NT5M: variants seen among roughly 807,000 people sequenced by gnomAD.
The protein encoded by NT5M is 5'(3')-deoxyribonucleotidase, mitochondrial.
Under a neutral mutation model 22.2 loss-of-function variants are expected in NT5M, and 22 were observed. The observed-to-expected ratio is 0.99, with a 90% CI of 0.71 to 1.41. The LOEUF (loss-of-function observed/expected upper bound fraction) is 1.41. NT5M is among the 40% of genes most tolerant of loss of function. The probability of loss-of-function intolerance (pLI) is 0.00; values close to 1 mark genes in which losing one functional copy is unlikely to be tolerated. For missense variants in NT5M, 322 were observed against 314.8 expected, an observed-to-expected ratio of 1.02 and a Z score of -0.17; for synonymous variants, 167 against 133.0, an observed-to-expected ratio of 1.26 and a Z score of -1.76.
chr17:17,325,543 C>T (rs2049247888), intron 3 of NT5M, among the ~76,000 whole-genome samples: 1 of 152,192 alleles, frequency 6.6e-6, no homozygotes, highest in Non-Finnish European at 1.5e-5. Flanking sequence ...AGCATCTTGG[C>T]ATTTACTGCC....
At position 17,346,884 on chromosome 17, in the gene NT5M, C is replaced by T. The variant is rs376072879; in HGVS notation, c.624C>T (p.Arg208=). Reference sequence around the variant, plus strand: ...AGCACCTGCAGCTGCAGCCCCCCCGCCGCAGGCTGCACTCGTGGGCGGACG... The same window carrying T: ...AGCACCTGCAGCTGCAGCCCCCCCGTCGCAGGCTGCACTCGTGGGCGGACG... ...HNQHLQLQPP[R]RRLHSWADDW... Residue 208 remains arginine, a synonymous_variant, in exon 5 of 5, where the codon CGC becomes CGT. Coordinates refer to ENST00000389022, the MANE Select transcript of NT5M (RefSeq NM_020201.4). 1.2e-6 allele frequency: 2 copies of T among 1,609,996 alleles called. No homozygotes were observed. The highest frequency in any genetic ancestry group is 2.7e-5 in the African/African-American group (2 of 74,938).
intron 2 of NT5M, among the ~76,000 whole-genome samples, chr17:17,319,039 C>T (rs1201655275): frequency 6.6e-6 from 1 of 151,640 alleles, no homozygotes; most frequent in Admixed American, 6.6e-5. Flanking sequence ...GGTGAAACCC[C>T]ACCTCTACTA....
intron 3 of NT5M, among the ~76,000 whole-genome samples, chr17:17,340,509 C>A (rs887423414): frequency 6.6e-6 from 1 of 150,668 alleles, no homozygotes; most frequent in African/African-American, 2.4e-5. Context: ...TTTGTTATTT[C>A]TTTTCTTTCC....
intron 3 of NT5M, among the ~76,000 whole-genome samples, chr17:17,343,888 G>A (rs959184833): frequency 6.6e-6 from 1 of 152,208 alleles, no homozygotes; most frequent in African/African-American, 2.4e-5. Flanking sequence ...GCCTGGAGCT[G>A]GGCAGGGCTC....
At chr17:17,306,695 C>T (rs1230238983) in intron 2 of NT5M, 52 bp downstream of exon 2, 3 of 1,184,836 alleles carry the variant, frequency 2.5e-6, no homozygotes, top group Non-Finnish European at 3.8e-6. Context: ...AGCCACTGAG[C>T]CCTGTACCTC....
At chr17:17,340,513 T>TCTTTC (rs1476853340) in intron 3 of NT5M, among the ~76,000 whole-genome samples, 1 of 152,058 alleles carries the variant, frequency 6.6e-6, no homozygotes, top group East Asian at 1.9e-4. Flanking sequence ...TTATTTCTTT[T>TCTTTC]CTTTCCTTTC....
chr17:17,304,634 T>C (rs2048754941), intron 1 of NT5M, among the ~76,000 whole-genome samples: 1 of 152,174 alleles, frequency 6.6e-6, no homozygotes, highest in African/African-American at 2.4e-5. Flanking sequence ...GAGCCCGTTT[T>C]TTAGCCACAA....
At chr17:17,323,303 C>A in intron 3 of NT5M, 58 bp downstream of exon 3, 1 of 1,367,018 alleles carries the variant, frequency 7.3e-7, no homozygotes, top group Non-Finnish European at 1.0e-6. Context: ...GTGAGGGGTA[C>A]GGGGCTCAGC....
intron 2 of NT5M, among the ~76,000 whole-genome samples, chr17:17,314,797 C>A (rs868388024): frequency 2.6e-5 from 4 of 152,200 alleles, no homozygotes; most frequent in African/African-American, 9.6e-5. Context: ...TGTTTCTGCC[C>A]TAGTTCTTTA....
At chr17:17,332,352 AG>A (rs1419130463) in intron 3 of NT5M, among the ~76,000 whole-genome samples, 1 of 152,082 alleles carries the variant, frequency 6.6e-6, no homozygotes, top group East Asian at 1.9e-4. Flanking sequence ...GATCTTTTCC[AG>A]CACTGTCCTC....
chr17:17,319,769 G>T (rs2049112402), intron 2 of NT5M, among the ~76,000 whole-genome samples: 1 of 152,162 alleles, frequency 6.6e-6, no homozygotes, highest in Non-Finnish European at 1.5e-5. Flanking sequence ...AACCTTTGAG[G>T]GTGGCAGGCG....
chr17:17,307,152 C>G (rs905682724), intron 2 of NT5M, among the ~76,000 whole-genome samples: 1 of 151,786 alleles, frequency 6.6e-6, no homozygotes, highest in Admixed American at 6.6e-5. Context: ...GAGCCGAGAT[C>G]GCGCCATTGC....
At chr17:17,321,780 C>T (rs931615994) in intron 2 of NT5M, among the ~76,000 whole-genome samples, 2 of 151,708 alleles carry the variant, frequency 1.3e-5, no homozygotes, top group Non-Finnish European at 2.9e-5. Flanking sequence ...AGGATGGCAG[C>T]GAAGGCTGGG....
At position 17,303,390 on chromosome 17, in the gene NT5M, T is replaced by C. The variant is rs1193331297; in HGVS notation, c.-161T>C. The C allele has an allele frequency of 1.1e-6, 1 of 879,636 alleles. No homozygotes were observed. The highest frequency in any genetic ancestry group is 1.8e-5 in the African/African-American group (1 of 55,096). 54.5% of individuals were successfully genotyped at this position (879,636 alleles called of 1,614,324 possible). On this transcript the variant is annotated 5_prime_UTR_variant, in exon 1 of 5. Coordinates refer to ENST00000389022, the MANE Select transcript of NT5M (RefSeq NM_020201.4). ...GCGGCCTCGCTCTGGGGCCGGTACT[T>C]GCGCGCCCGCACCCCGCGCTCCCCG...
At chr17:17,314,334 C>G (rs1567883286) in intron 2 of NT5M, among the ~76,000 whole-genome samples, 1 of 152,010 alleles carries the variant, frequency 6.6e-6, no homozygotes, top group Non-Finnish European at 1.5e-5. Flanking sequence ...CGTGCCCGGC[C>G]GAATATATTC....
intron 1 of NT5M, 38 bp downstream of exon 1, chr17:17,303,855 C>T (rs2048734813): frequency 7.4e-7 from 1 of 1,344,204 alleles, no homozygotes; most frequent in South Asian, 1.8e-5. Flanking sequence ...GGGCCTCCTT[C>T]TCGCCCCGAG....
chr17:17,345,072 G>A, intron 4 of NT5M, 164 bp downstream of exon 4: 1 of 1,175,516 alleles, frequency 8.5e-7, no homozygotes, highest in Non-Finnish European at 1.2e-6. Flanking sequence ...CCTCTGTATG[G>A]GCTGTGGCCT....
At chr17:17,336,554 CTTT>C (rs71355546) in intron 3 of NT5M, among the ~76,000 whole-genome samples, 26 of 136,798 alleles carry the variant, frequency 1.9e-4, no homozygotes, top group Non-Finnish European at 2.2e-4. Flanking sequence ...TTTTTCTTTT[CTTT>C]TTTTTTTTTT....
intron 3 of NT5M, among the ~76,000 whole-genome samples, chr17:17,338,940 G>A (rs920635222): frequency 9.9e-5 from 15 of 151,746 alleles, no homozygotes; most frequent in Admixed American, 2.0e-4. Flanking sequence ...TGTTAGCCAG[G>A]ATGGTCTCGA....
Sources: allele counts gnomAD v4.1 joint callset (sites outside exome capture counted in the v4.1 genomes callset), GRCh38; gene constraint gnomAD v4.1.1; transcripts MANE v1.5; gene names NCBI Gene and HGNC (gene_info 2026-07-23, HGNC 2026-07-21).